Variants in CPNE5 observed in about 807,000 individuals in gnomAD.
CPNE5 encodes copine 5, also known as copine-5.
In CPNE5, 42 loss-of-function variants were observed where a neutral mutation model predicts 81.1. The ratio of observed to expected loss-of-function variants is 0.52; its 90% CI spans 0.40 to 0.67. The LOEUF (loss-of-function observed/expected upper bound fraction) is 0.67, where lower values mean the gene tolerates loss of function less well. Ranked by LOEUF, CPNE5 falls within the 30% of genes least tolerant of loss-of-function variation. The pLI is 0.00. For missense variants in CPNE5, 612 were observed against 815.5 expected (o/e 0.75, Z 3.04); for synonymous variants, 313 against 321.5 (o/e 0.97, Z 0.28).
chr6:36,819,901 C>T (rs1349938782), intron 3 of CPNE5, among the ~76,000 whole-genome samples: 2 of 152,238 alleles, frequency 1.3e-5, no homozygotes, highest in African/African-American at 2.4e-5. Flanking sequence ...CCCTCTCCCC[C>T]CATTCTGGTG....
intron 3 of CPNE5, among the ~76,000 whole-genome samples, chr6:36,813,893 A>G (rs1771316095): frequency 6.6e-6 from 1 of 152,220 alleles, no homozygotes; most frequent in Non-Finnish European, 1.5e-5. Context: ...GCCCAGGTCA[A>G]TGGTAGATTG....
intron 1 of CPNE5, among the ~76,000 whole-genome samples, chr6:36,829,540 C>T (rs541709874): frequency 5.3e-5 from 8 of 150,478 alleles, no homozygotes; most frequent in Non-Finnish European, 7.4e-5. Flanking sequence ...AGGCTGGGCA[C>T]GGTGGCTCAC....
intron 3 of CPNE5, among the ~76,000 whole-genome samples, chr6:36,801,978 T>C (rs1770145380): frequency 6.6e-6 from 1 of 152,156 alleles, no homozygotes; most frequent in Non-Finnish European, 1.5e-5. Flanking sequence ...CCCAGCACTT[T>C]GGGAGGCCGA....
Position 36,790,505 on chromosome 6 carries a change from C to T in CPNE5, c.528+1528G>A, listed in dbSNP as rs192103063. On this transcript the variant is annotated intron_variant, in intron 8 of 20. Coordinates refer to ENST00000244751, the MANE Select transcript of CPNE5 (RefSeq NM_020939.2). Reference sequence around the variant, plus strand: ...TCCAGATGTCTTCCATTAAGTCAGACGTTAAAGAGATTTGCAAAAATGTAA... The same window carrying T: ...TCCAGATGTCTTCCATTAAGTCAGATGTTAAAGAGATTTGCAAAAATGTAA... 2.6e-5 allele frequency among the ~76,000 whole-genome samples: 4 copies of T among 152,214 alleles called. No individual in the cohort carries two copies. The East Asian group carries it at 5.8e-4, about 22-fold the overall frequency.
chr6:36,776,410 T>C (rs564337877), intron 9 of CPNE5, among the ~76,000 whole-genome samples: 1 of 152,214 alleles, frequency 6.6e-6, no homozygotes, highest in East Asian at 1.9e-4. Flanking sequence ...GTGGGAGACC[T>C]CCCCACACAC....
At chr6:36,758,384 T>C (rs1385068484) in intron 12 of CPNE5, among the ~76,000 whole-genome samples, 2 of 151,744 alleles carry the variant, frequency 1.3e-5, no homozygotes, top group Admixed American at 6.6e-5. Context: ...GCTCAAGCAA[T>C]CCTTCCAGGT....
intron 13 of CPNE5, chr6:36,755,000 C>T (rs1226042785): frequency 6.6e-6 from 1 of 152,226 alleles, no homozygotes; most frequent in African/African-American, 2.4e-5. Flanking sequence ...CTCCAAGCCC[C>T]AGTCTGTGAA....
rs766053448 is a variant in CPNE5, at chr6:36,742,261, A to G, written c.*7T>C. Reference sequence around the variant, plus strand: ...AGGCCCCAGCCACCTGCCTGCTGAGACCAGGTTCAGATGTGCGTGTGCAGG... The same window carrying G: ...AGGCCCCAGCCACCTGCCTGCTGAGGCCAGGTTCAGATGTGCGTGTGCAGG... On this transcript the variant is annotated 3_prime_UTR_variant, in exon 21 of 21. Coordinates refer to ENST00000244751, the MANE Select transcript of CPNE5 (RefSeq NM_020939.2). 1 of 1,559,946 alleles carries G rather than the reference A, an allele frequency of 6.4e-7. No individual in the cohort carries two copies. The highest frequency in any genetic ancestry group is 1.2e-5 in the South Asian group (1 of 85,636).
chr6:36,765,312 C>T (rs1197074251), intron 11 of CPNE5, 23 bp downstream of exon 11: 2 of 1,613,382 alleles, frequency 1.2e-6, no homozygotes, highest in Non-Finnish European at 1.7e-6. Context: ...CACCTTCTCG[C>T]CCCTGCCCTC....
At chr6:36,756,869 G>A (rs1765527166) in intron 12 of CPNE5, among the ~76,000 whole-genome samples, 1 of 152,304 alleles carries the variant, frequency 6.6e-6, no homozygotes, top group African/African-American at 2.4e-5. Context: ...GATAAATCAT[G>A]GGGCTAGGCT....
intron 1 of CPNE5, among the ~76,000 whole-genome samples, chr6:36,831,638 C>CAAAAAAAAAAAA (rs35409136): frequency 1.2e-5 from 1 of 83,942 alleles, no homozygotes; most frequent in Non-Finnish European, 2.2e-5. Context: ...GACACCATCT[C>CAAAAAAAAAAAA]AAAAAAAAAA....
At chr6:36,780,780 G>A (rs1015362542) in intron 8 of CPNE5, among the ~76,000 whole-genome samples, 2 of 152,060 alleles carry the variant, frequency 1.3e-5, no homozygotes, top group African/African-American at 2.4e-5. Context: ...ATTAGATGCC[G>A]TCTGTGTAGG....
At chr6:36,788,614 A>C (rs751013236) in intron 8 of CPNE5, among the ~76,000 whole-genome samples, 2 of 118,978 alleles carry the variant, frequency 1.7e-5, no homozygotes, top group Admixed American at 1.6e-4. Flanking sequence ...CGGTAAACCA[A>C]TGTTGGCCAG....
At chr6:36,792,145 C>A (rs749607593) in intron 7 of CPNE5, 49 bp from the exon 8 acceptor site, 1 of 1,567,220 alleles carries the variant, frequency 6.4e-7, no homozygotes, top group East Asian at 2.2e-5. Context: ...AAGACAGAGC[C>A]ATAAACCTGA....
chr6:36,767,838 C>T (rs953387865), intron 10 of CPNE5, among the ~76,000 whole-genome samples: 1 of 152,218 alleles, frequency 6.6e-6, no homozygotes, highest in South Asian at 2.1e-4. Context: ...GAGCCACTGA[C>T]CTTCTCTAGA....
chr6:36,765,241 G>A, intron 11 of CPNE5, 94 bp downstream of exon 11: 1 of 1,403,264 alleles, frequency 7.1e-7, no homozygotes, highest in African/African-American at 1.4e-5. Flanking sequence ...CACTGCGGGG[G>A]GGAGCCTGGT....
chr6:36,806,522 G>A (rs1423369244), intron 3 of CPNE5, among the ~76,000 whole-genome samples: 1 of 152,206 alleles, frequency 6.6e-6, no homozygotes, highest in Non-Finnish European at 1.5e-5. Context: ...GCTCCCTGCT[G>A]TTGCAAGCCC....
At chr6:36,752,748 C>T (rs533850949) in intron 14 of CPNE5, 9 of 263,822 alleles carry the variant, frequency 3.4e-5, no homozygotes, top group South Asian at 1.2e-4. Context: ...CTTTCTGTCA[C>T]GGAGTCCCTA....
At chr6:36,817,897 A>T (rs1349830364) in intron 3 of CPNE5, among the ~76,000 whole-genome samples, 1 of 152,082 alleles carries the variant, frequency 6.6e-6, no homozygotes, top group Non-Finnish European at 1.5e-5. Flanking sequence ...TGGAGTAGTA[A>T]TGGCTCCCTC....
Sources: allele counts gnomAD v4.1 joint callset (sites outside exome capture counted in the v4.1 genomes callset), GRCh38; gene constraint gnomAD v4.1.1; transcripts MANE v1.5; gene names NCBI Gene and HGNC (gene_info 2026-07-23, HGNC 2026-07-21).